BMPR2: variants seen among roughly 807,000 people sequenced by gnomAD.
BMPR2 encodes the protein bone morphogenetic protein receptor type-2.
BMPR2 carries 29 observed loss-of-function variants against 100.8 expected under a neutral mutation model. That is an observed-to-expected ratio of 0.29 (90% CI 0.21 to 0.39). BMPR2 has a LOEUF of 0.39. Ranked by LOEUF, BMPR2 falls within the 10% of genes least tolerant of loss-of-function variation. The pLI is 1.00. For synonymous variants in BMPR2, 382 were observed against 442.3 expected, an observed-to-expected ratio of 0.86 and a Z score of 1.71; for missense variants, 1,011 against 1,274.5, an observed-to-expected ratio of 0.79 and a Z score of 3.15.
intron 3 of BMPR2, among the ~76,000 whole-genome samples, chr2:202,507,588 T>A (rs1281519594): frequency 6.6e-6 from 1 of 151,950 alleles, no homozygotes; most frequent in Admixed American, 6.6e-5. Context: ...AAAGTCTTGC[T>A]CTATCACCCA....
Position 202,555,645 on chromosome 2 carries a change from A to G in BMPR2, c.1980A>G (p.Glu660=). ...CCCCTGTCTGCTTACAGCTGACAGA[A>G]GAAGACTTGGAAACCAACAAGCTAG... ...GPTPVCLQLT[E]EDLETNKLDP... Residue 660 remains glutamate, a synonymous_variant, in exon 12 of 13, where the codon GAA becomes GAG. Coordinates refer to ENST00000374580, the MANE Select transcript of BMPR2 (RefSeq NM_001204.7). 1 of 1,614,186 alleles carries G rather than the reference A, an allele frequency of 6.2e-7. No individual in the cohort carries two copies. Among genetic ancestry groups the G allele is most frequent in the East Asian group, 2.2e-5 (1 of 44,890 alleles).
intron 1 of BMPR2, among the ~76,000 whole-genome samples, chr2:202,420,824 G>T (rs1342832685): frequency 1.3e-5 from 2 of 151,788 alleles, no homozygotes; most frequent in Non-Finnish European, 2.9e-5. Flanking sequence ...TGGAATTACA[G>T]GCATGAGCCA....
chr2:202,496,840 A>C (rs1693040966), intron 3 of BMPR2, among the ~76,000 whole-genome samples: 1 of 152,196 alleles, frequency 6.6e-6, no homozygotes, highest in South Asian at 2.1e-4. Flanking sequence ...CCACCACTGC[A>C]CTGTGGGAGC....
At chr2:202,471,420 T>G (rs935722353) in intron 3 of BMPR2, among the ~76,000 whole-genome samples, 2 of 152,160 alleles carry the variant, frequency 1.3e-5, no homozygotes, top group African/African-American at 4.8e-5. Context: ...AGTTAGTAAT[T>G]ATAAAATGGG....
intron 11 of BMPR2, among the ~76,000 whole-genome samples, chr2:202,554,458 T>A (rs1257489924): frequency 6.6e-6 from 1 of 152,204 alleles, no homozygotes; most frequent in African/African-American, 2.4e-5. Context: ...ACGCTAACTC[T>A]AGGTTTTATT....
intron 10 of BMPR2, among the ~76,000 whole-genome samples, chr2:202,542,675 C>T (rs1206966721): frequency 6.6e-6 from 1 of 152,082 alleles, no homozygotes; most frequent in South Asian, 2.1e-4. Context: ...GAGAGAATAA[C>T]TAATGTGTCA....
intron 12 of BMPR2, among the ~76,000 whole-genome samples, chr2:202,558,856 G>C (rs1050875114): frequency 7.0e-6 from 1 of 142,422 alleles, no homozygotes; most frequent in African/African-American, 2.6e-5. Flanking sequence ...TCATGTCATT[G>C]CACTCCAGCC....
At chr2:202,398,955 C>A (rs940526545) in intron 1 of BMPR2, among the ~76,000 whole-genome samples, 1 of 152,034 alleles carries the variant, frequency 6.6e-6, no homozygotes, top group Non-Finnish European at 1.5e-5. Flanking sequence ...ATTGAGAAAC[C>A]CCGTCTCTAC....
At chr2:202,423,722 C>T (rs1445617513) in intron 1 of BMPR2, among the ~76,000 whole-genome samples, 2 of 152,078 alleles carry the variant, frequency 1.3e-5, no homozygotes, top group Non-Finnish European at 2.9e-5. Context: ...CCACTGTACT[C>T]TGGCCTGGGC....
intron 3 of BMPR2, among the ~76,000 whole-genome samples, chr2:202,489,381 A>C: frequency 6.6e-6 from 1 of 152,250 alleles, no homozygotes; most frequent in East Asian, 1.9e-4. Flanking sequence ...AGAAAAACAA[A>C]GTTAAGGGAA....
At chr2:202,535,174 G>A (rs1204648961) in intron 9 of BMPR2, among the ~76,000 whole-genome samples, 1 of 150,652 alleles carries the variant, frequency 6.6e-6, no homozygotes, top group Non-Finnish European at 1.5e-5. Context: ...GGCTGGCCTG[G>A]CGGGGGGCTG....
At chr2:202,508,506 T>G (rs1687568150) in intron 3 of BMPR2, among the ~76,000 whole-genome samples, 2 of 152,248 alleles carry the variant, frequency 1.3e-5, no homozygotes, top group Non-Finnish European at 2.9e-5. Flanking sequence ...ATGTATGTAT[T>G]AAAATTGATG....
At position 202,560,576 on chromosome 2, in the gene BMPR2, A is replaced by AT. The variant is rs1300165175; in HGVS notation, c.*631dup. ...TCCCATACTTTTGAAGGTCAGTTCT[A>AT]TGACAGTGAATTTTGCACAGGAGAA... On this transcript the variant is annotated 3_prime_UTR_variant, in exon 13 of 13. Coordinates refer to ENST00000374580, the MANE Select transcript of BMPR2 (RefSeq NM_001204.7). The AT allele has an allele frequency of 6.5e-6, 1 of 153,328 alleles. No individual in the cohort carries two copies. The highest frequency in any genetic ancestry group is 1.5e-5 in the Non-Finnish European group (1 of 68,544). 9.5% of individuals were successfully genotyped at this position (153,328 alleles called of 1,614,324 possible).
intron 7 of BMPR2, among the ~76,000 whole-genome samples, chr2:202,521,618 C>T (rs1287348465): frequency 6.6e-6 from 1 of 151,724 alleles, no homozygotes; most frequent in East Asian, 1.9e-4. Flanking sequence ...GTTTCCCTAC[C>T]TTGTGAATGG....
intron 7 of BMPR2, among the ~76,000 whole-genome samples, chr2:202,530,065 G>C (rs1291333838): frequency 6.6e-6 from 1 of 151,964 alleles, no homozygotes; most frequent in African/African-American, 2.4e-5. Context: ...ATCATTTACT[G>C]TGTGTCTACT....
intron 11 of BMPR2, 146 bp from the exon 12 acceptor site, chr2:202,555,106 G>T: frequency 1.3e-6 from 1 of 751,298 alleles, no homozygotes; most frequent in Non-Finnish European, 2.2e-6. Flanking sequence ...TTGATTATTT[G>T]ATTAGACTTT....
intron 1 of BMPR2, among the ~76,000 whole-genome samples, chr2:202,401,959 A>T (rs987153776): frequency 5.9e-5 from 9 of 152,378 alleles, no homozygotes; most frequent in African/African-American, 2.2e-4. Flanking sequence ...TGCTTTTTGT[A>T]AAGAGCTCTA....
chr2:202,438,272 CAT>C (rs1434837896), intron 1 of BMPR2, among the ~76,000 whole-genome samples: 4 of 150,504 alleles, frequency 2.7e-5, no homozygotes, highest in South Asian at 2.1e-4. Context: ...AAGATCACGC[CAT>C]TGCACTCCAG....
chr2:202,443,080 A>G (rs1691779380), intron 1 of BMPR2, among the ~76,000 whole-genome samples: 1 of 150,602 alleles, frequency 6.6e-6, no homozygotes, highest in Non-Finnish European at 1.5e-5. Flanking sequence ...AAGACACCAG[A>G]TCTTTTTTCT....
Sources: allele counts gnomAD v4.1 joint callset (sites outside exome capture counted in the v4.1 genomes callset), GRCh38; gene constraint gnomAD v4.1.1; transcripts MANE v1.5; gene names NCBI Gene and HGNC (gene_info 2026-07-23, HGNC 2026-07-21).